PPARG: variants seen among roughly 807,000 people sequenced by gnomAD.
The protein encoded by PPARG is peroxisome proliferator activated receptor gamma.
In PPARG, 17 loss-of-function variants were observed where a neutral mutation model predicts 39.2. That is an observed-to-expected ratio of 0.43 (90% CI 0.30 to 0.65). The LOEUF is 0.65. PPARG is among the 30% of genes least tolerant of loss of function. PPARG has a pLI of 0.13. For missense variants in PPARG, 406 were observed against 585.9 expected, an observed-to-expected ratio of 0.69 and a Z score of 3.17; for synonymous variants, 223 against 215.7, an observed-to-expected ratio of 1.03 and a Z score of -0.30.
intron 2 of PPARG, among the ~76,000 whole-genome samples, chr3:12,339,779 G>A (rs1025304365): frequency 3.3e-5 from 5 of 152,124 alleles, no homozygotes; most frequent in Admixed American, 6.5e-5. Context: ...CATGAGAGTC[G>A]CATCCTCACA....
chr3:12,377,927 C>T (rs911931494), intron 2 of PPARG, among the ~76,000 whole-genome samples: 15 of 152,004 alleles, frequency 9.9e-5, no homozygotes, highest in African/African-American at 3.1e-4. Context: ...AACTCAATTG[C>T]AAGAAAACAA....
intron 2 of PPARG, among the ~76,000 whole-genome samples, chr3:12,360,617 C>T (rs1000585999): frequency 4.6e-5 from 7 of 150,710 alleles, no homozygotes; most frequent in Non-Finnish European, 8.8e-5. Context: ...TCCAGAAGCC[C>T]TCTGACTATT....
intron 1 of PPARG, among the ~76,000 whole-genome samples, chr3:12,295,516 T>A (rs1480306529): frequency 4.4e-4 from 9 of 20,308 alleles, no homozygotes; most frequent in Non-Finnish European, 6.7e-4. Flanking sequence ...AAAAAAAAAT[T>A]TTTTTTTTTT....
At chr3:12,418,755 A>AT (rs2051161843) in intron 7 of PPARG, among the ~76,000 whole-genome samples, 1 of 152,190 alleles carries the variant, frequency 6.6e-6, no homozygotes, top group African/African-American at 2.4e-5. Flanking sequence ...TGAGCCAGGC[A>AT]TGCTGGCTCA....
intron 5 of PPARG, among the ~76,000 whole-genome samples, chr3:12,398,502 A>T (rs2050347302): frequency 6.6e-6 from 1 of 152,196 alleles, no homozygotes; most frequent in Non-Finnish European, 1.5e-5. Flanking sequence ...GTATAGAGGA[A>T]TATAGGAGGA....
chr3:12,302,037 G>A (rs1415235081), intron 1 of PPARG, among the ~76,000 whole-genome samples: 1 of 152,170 alleles, frequency 6.6e-6, no homozygotes, highest in Non-Finnish European at 1.5e-5. Flanking sequence ...GTTGAAACAG[G>A]TAACTAACAA....
At chr3:12,431,599 T>C (rs2051662462) in intron 7 of PPARG, among the ~76,000 whole-genome samples, 1 of 152,036 alleles carries the variant, frequency 6.6e-6, no homozygotes, top group Non-Finnish European at 1.5e-5. Flanking sequence ...AAAAAATAGA[T>C]AAACCTTTGA....
intron 2 of PPARG, among the ~76,000 whole-genome samples, chr3:12,317,951 T>C (rs2047433357): frequency 6.6e-6 from 1 of 152,116 alleles, no homozygotes; most frequent in African/African-American, 2.4e-5. Context: ...TGTTTAGAGA[T>C]TAGAACGATG....
At position 12,312,564 on chromosome 3, in the gene PPARG, GACT is replaced by G. The variant is rs1430870809; in HGVS notation, c.-9+113_-9+115del. ...TAAAATTTCCTAGAGAGTGATTTTT[GACT>G]ATTATAATACTTTCTGCTATATAAT... On this transcript the variant is annotated intron_variant, in intron 2 of 7. Transcript: ENST00000651735. The G allele has an allele frequency of 8.5e-5, 13 of 152,122 alleles. No individual in the cohort carries two copies. The East Asian group carries it at 2.5e-3, about 29-fold the overall frequency. 9.4% of individuals were successfully genotyped at this position (152,122 alleles called of 1,614,324 possible). A position where few individuals can be genotyped will look rare whatever the true frequency, so the allele number is the denominator to read the frequency against.
intron 2 of PPARG, among the ~76,000 whole-genome samples, chr3:12,346,797 G>A (rs564285255): frequency 7.2e-5 from 11 of 151,894 alleles, no homozygotes; most frequent in Non-Finnish European, 1.6e-4. Flanking sequence ...ACCATGCCTG[G>A]CCAATTATTT....
chr3:12,367,454 G>C (rs936528171), intron 2 of PPARG, among the ~76,000 whole-genome samples: 4 of 152,154 alleles, frequency 2.6e-5, no homozygotes, highest in Non-Finnish European at 5.9e-5. Flanking sequence ...TATTGGTGAG[G>C]GCATAATCCT....
chr3:12,399,599 A>AG (rs1391236936), intron 5 of PPARG: 1 of 161,698 alleles, frequency 6.2e-6, no homozygotes. Context: ...TAAAAAAAAA[A>AG]GAAAGAAAGA....
chr3:12,381,343 C>T lies in PPARG; in HGVS notation c.242C>T (p.Ala81Val), dbSNP rs2049647322. ...EYQSAIKVEP[A>V]SPPYYSEKTQ... ...ACAGGTGCAATCAAAGTGGAGCCTG[C>T]ATCTCCACCTTATTATTCTGAGAAG... Residue 81 changes from alanine (A) to valine (V), a missense_variant, in exon 4 of 8, where the codon GCA becomes GTA. By Grantham distance (64) the Ala-to-Val change is moderately conservative. Coordinates refer to ENST00000651735, the MANE Select transcript of PPARG (RefSeq NM_138711.6). 1 of 1,613,242 alleles carries T rather than the reference C, an allele frequency of 6.2e-7. No individual in the cohort carries two copies. Among genetic ancestry groups the T allele is most frequent in the African/African-American group, 1.3e-5 (1 of 75,010 alleles).
chr3:12,289,968 TTAAAGG>T (rs1260460036), intron 1 of PPARG, among the ~76,000 whole-genome samples: 1 of 152,114 alleles, frequency 6.6e-6, no homozygotes, highest in Non-Finnish European at 1.5e-5. Context: ...ATACGAAACT[TTAAAGG>T]TAATGTCTCA....
chr3:12,365,598 A>G (rs911565972), intron 2 of PPARG, among the ~76,000 whole-genome samples: 7 of 151,478 alleles, frequency 4.6e-5, no homozygotes, highest in Non-Finnish European at 8.8e-5. Flanking sequence ...TATTATTGTT[A>G]TTATTATATT....
chr3:12,347,930 A>G (rs74720777), intron 2 of PPARG, among the ~76,000 whole-genome samples: 1,802 of 152,318 alleles, frequency 0.012, 44 homozygotes, highest in African/African-American at 0.041. Flanking sequence ...TAGCACTTAC[A>G]GCATTAAATG....
chr3:12,353,846 T>A (rs567739352), intron 2 of PPARG, among the ~76,000 whole-genome samples: 3 of 152,156 alleles, frequency 2.0e-5, no homozygotes, highest in African/African-American at 7.2e-5. Context: ...TAGTAAAAAT[T>A]GGCAAGATTG....
At position 12,434,017 on chromosome 3, in the gene PPARG, C is replaced by T; in HGVS notation, c.1300C>T (p.Leu434Phe). ...GTCCTCACAGCTGTTTGCCAAGCTG[C>T]TCCAGAAAATGACAGACCTCAGACA... is the stretch of plus-strand genomic sequence containing the variant. ...PESSQLFAKL[L>F]QKMTDLRQIV... The change falls in exon 8 of 8, where the codon CTC becomes TTC. Residue 434 changes from leucine (L) to phenylalanine (F), a missense_variant. Transcript: ENST00000651735. This position sits in a 1 kb window ranked among gnomAD's most constrained non-coding sequence, Gnocchi z 4.2. 1 of 1,614,210 alleles carries T rather than the reference C, an allele frequency of 6.2e-7. No homozygotes were observed.
At chr3:12,361,587 T>C (rs2125119226) in intron 2 of PPARG, among the ~76,000 whole-genome samples, 1 of 152,372 alleles carries the variant, frequency 6.6e-6, no homozygotes, top group East Asian at 1.9e-4. Context: ...GCTTCGTTTA[T>C]TGAAAAGATC....
Sources: gnomAD v4.1 joint callset for allele counts (sites outside exome capture counted in the v4.1 genomes callset) on GRCh38, gnomAD v4.1.1 for gene constraint, Gnocchi (gnomAD v3.1) non-coding constraint, MANE v1.5 for transcripts, NCBI Gene and HGNC (gene_info 2026-07-23, HGNC 2026-07-21) for gene names.